NEXMIF: variants seen among roughly 807,000 people sequenced by gnomAD.
The protein encoded by NEXMIF is XLMR protein related to neurite extension.
A neutral mutation model predicts 62.1 loss-of-function variants in NEXMIF; 8 were observed. The ratio of observed to expected loss-of-function variants is 0.13; its 90% confidence interval spans 0.08 to 0.23. NEXMIF has a LOEUF of 0.23. Among genes scored for constraint, NEXMIF ranks in the 10% least tolerant of loss-of-function variants. The pLI, the probability that NEXMIF is intolerant of heterozygous loss-of-function variation, is 1.00. For synonymous variants in NEXMIF, 404 were observed against 416.6 expected, an observed-to-expected ratio of 0.97 and a Z score of 0.37; for missense variants, 976 against 1,113.3, an observed-to-expected ratio of 0.88 and a Z score of 1.75.
intron 1 of NEXMIF, among the ~76,000 whole-genome samples, chrX:74,877,341 G>A (rs1457728194): frequency 1.8e-5 from 2 of 111,914 alleles, no homozygotes; most frequent in African/African-American, 6.5e-5. Context: ...CTGGCTTGTA[G>A]AGTTTCTGCT....
rs758006654 is a variant in NEXMIF, at chrX:74,776,215, C to T, written c.-47-30518G>A. 1.0e-3 allele frequency among the ~76,000 whole-genome samples: 112 copies of T among 111,685 alleles called. 1 individual carries two copies. The highest frequency in any genetic ancestry group is 1.7e-3 in the Non-Finnish European group (89 of 53,196). ...GAAGAATGTTTGTGTGTCTGATATG[C>T]ATGAACAGGCGGCACAGACAGTGTT... On this transcript the variant is annotated intron_variant, in intron 1 of 3. Transcript: ENST00000055682.
chrX:74,871,239 A>G (rs894717396), intron 1 of NEXMIF, among the ~76,000 whole-genome samples: 5 of 111,538 alleles, frequency 4.5e-5, no homozygotes, highest in African/African-American at 1.3e-4. Context: ...GTGTCATCAC[A>G]TATTGGTAGG....
At chrX:74,872,145 T>C (rs2080603898) in intron 1 of NEXMIF, among the ~76,000 whole-genome samples, 1 of 111,365 alleles carries the variant, frequency 9.0e-6, no homozygotes. Context: ...TCAAAATTTA[T>C]GTTCTTCTGC....
intron 1 of NEXMIF, among the ~76,000 whole-genome samples, chrX:74,869,077 C>G (rs2080590729): frequency 9.0e-6 from 1 of 111,075 alleles, no homozygotes. Flanking sequence ...TGCAAAAATC[C>G]TCAACAATAT....
chrX:74,906,526 G>GA (rs2080769895), intron 1 of NEXMIF, among the ~76,000 whole-genome samples: 1 of 110,399 alleles, frequency 9.1e-6, no homozygotes, highest in South Asian at 3.9e-4. Flanking sequence ...TCTCCGGACA[G>GA]AAATTTCCAG....
Position 74,740,286 on chromosome X carries a change from G to A in NEXMIF, c.4271C>T (p.Ser1424Phe), listed in dbSNP as rs2080097689. 1 of 1,211,214 alleles carries A rather than the reference G, an allele frequency of 8.3e-7. No individual in the cohort carries two copies. The highest frequency in any genetic ancestry group is 1.1e-6 in the Non-Finnish European group (1 of 895,234). Reference sequence around the variant, plus strand: ...ACTATACTTTTTATCAAAGAAGGTAGAGCGAGAGTCCTCGTTATAACCAGG... The same window carrying A: ...ACTATACTTTTTATCAAAGAAGGTAAAGCGAGAGTCCTCGTTATAACCAGG... ...NMPGYNEDSR[S>F]TFFDKKYSNM... is the part of the protein sequence containing the mutation. Residue 1424 changes from serine to phenylalanine, a missense_variant, in exon 3 of 4, where the codon TCT becomes TTT. Coordinates refer to ENST00000055682, the MANE Select transcript of NEXMIF (RefSeq NM_001008537.3).
chrX:74,823,505 T>G (rs1429761310), intron 1 of NEXMIF, among the ~76,000 whole-genome samples: 1 of 111,909 alleles, frequency 8.9e-6, no homozygotes, highest in East Asian at 2.8e-4. Flanking sequence ...GAGCTTTTCA[T>G]TTTCTATAAA....
chrX:74,876,820 C>A (rs1395110941), intron 1 of NEXMIF, among the ~76,000 whole-genome samples: 1 of 105,282 alleles, frequency 9.5e-6, no homozygotes, highest in Non-Finnish European at 1.9e-5. Flanking sequence ...CAACCCCTGC[C>A]TTTTTTTGTT....
chrX:74,753,660 G>T (rs949904586), intron 1 of NEXMIF, among the ~76,000 whole-genome samples: 1 of 109,265 alleles, frequency 9.2e-6, no homozygotes, highest in African/African-American at 3.3e-5. Context: ...GCTCTGTATT[G>T]TCACCCCAAG....
At chrX:74,873,399 GT>G (rs760286487) in intron 1 of NEXMIF, among the ~76,000 whole-genome samples, 1 of 111,830 alleles carries the variant, frequency 8.9e-6, no homozygotes, top group South Asian at 3.7e-4. Context: ...ATTGTTGGAT[GT>G]TTGGGTTGGT....
chrX:74,832,027 G>A (rs1463124203), intron 1 of NEXMIF, among the ~76,000 whole-genome samples: 1 of 111,910 alleles, frequency 8.9e-6, no homozygotes, highest in Non-Finnish European at 1.9e-5. Flanking sequence ...ATTTTAATGA[G>A]GACTTTTACA....
intron 1 of NEXMIF, among the ~76,000 whole-genome samples, chrX:74,839,294 T>C (rs1280750971): frequency 8.9e-6 from 1 of 112,016 alleles, no homozygotes; most frequent in Admixed American, 9.5e-5. Context: ...AAAAATGACA[T>C]TTGGTCCTTT....
rs763976841 is a variant in NEXMIF, at chrX:74,867,966, C to A, written c.-48+56917G>T. On this transcript the variant is annotated intron_variant, in intron 1 of 3. Coordinates refer to ENST00000055682, the MANE Select transcript of NEXMIF (RefSeq NM_001008537.3). Reference sequence around the variant, plus strand: ...ACAGAAAATCCCGTTAAAAAGTGGGCAAAGAACATGGACACTTCTTAAAAG... The same window carrying A: ...ACAGAAAATCCCGTTAAAAAGTGGGAAAAGAACATGGACACTTCTTAAAAG... Among the ~76,000 whole-genome samples the A allele has an allele frequency of 3.6e-5, 4 of 111,255 alleles. No homozygotes were observed. The East Asian group carries it at 1.1e-3, about 32-fold the overall frequency.
chrX:74,875,831 G>A (rs1237172138), intron 1 of NEXMIF, among the ~76,000 whole-genome samples: 31 of 111,137 alleles, frequency 2.8e-4, no homozygotes, highest in Non-Finnish European at 5.5e-4. Flanking sequence ...CTGTGGGATC[G>A]GTGGTGATAT....
Position 74,764,275 on chromosome X carries a change from G to T in NEXMIF, c.-47-18578C>A, listed in dbSNP as rs762082850. ...GTTTATATGCTGGATTACGTTTATT[G>T]ATTTGGATATGTTGAACCAGCTTTG... On this transcript the variant is annotated intron_variant, in intron 1 of 3. Transcript: ENST00000055682. 3.8e-4 allele frequency among the ~76,000 whole-genome samples: 42 copies of T among 111,942 alleles called. No homozygotes were observed. The East Asian group carries it at 0.012, about 31-fold the overall frequency.
chrX:74,836,106 G>T (rs986059065), intron 1 of NEXMIF, among the ~76,000 whole-genome samples: 6 of 112,375 alleles, frequency 5.3e-5, no homozygotes, highest in Non-Finnish European at 1.1e-4. Flanking sequence ...CTTCTGCCTG[G>T]CCACTGCCAA....
intron 1 of NEXMIF, among the ~76,000 whole-genome samples, chrX:74,839,587 C>T (rs1318479656): frequency 1.8e-5 from 2 of 111,215 alleles, no homozygotes; most frequent in Non-Finnish European, 3.8e-5. Flanking sequence ...TCAAGTAGAC[C>T]CCAGTGTCTG....
At chrX:74,873,095 T>G (rs1166281258) in intron 1 of NEXMIF, among the ~76,000 whole-genome samples, 2 of 110,178 alleles carry the variant, frequency 1.8e-5, no homozygotes, top group African/African-American at 3.3e-5. Context: ...ACCCACTAAC[T>G]CGTCATCTAG....
intron 1 of NEXMIF, among the ~76,000 whole-genome samples, chrX:74,849,709 G>C (rs1242370931): frequency 8.9e-6 from 1 of 112,351 alleles, no homozygotes; most frequent in Non-Finnish European, 1.9e-5. Context: ...CCGTTGGCGT[G>C]ACCCTGCTAT....
Sources: gnomAD v4.1 joint callset for allele counts (sites outside exome capture counted in the v4.1 genomes callset) on GRCh38, gnomAD v4.1.1 for gene constraint, MANE v1.5 for transcripts, NCBI Gene and HGNC (gene_info 2026-07-23, HGNC 2026-07-21) for gene names.